The following STAT2 variants were observed in gnomAD, a reference collection of about 807,000 sequenced individuals.
The protein encoded by STAT2 is interferon alpha induced transcriptional activator.
STAT2 carries 51 observed loss-of-function variants against 122.3 expected under a neutral mutation model. The observed-to-expected ratio is 0.42, with a 90% CI of 0.33 to 0.53. STAT2 has a LOEUF of 0.53. STAT2 is among the 20% of genes least tolerant of loss of function. The probability of loss-of-function intolerance (pLI) is 0.10; values close to 1 mark genes in which losing one functional copy is unlikely to be tolerated. For synonymous variants in STAT2, 351 were observed against 394.9 expected (o/e 0.89, Z 1.32); for missense variants, 736 against 1,010.3 (o/e 0.73, Z 3.68).
At chr12:56,345,524 A>AAAAT (rs1555169410) in intron 22 of STAT2, among the ~76,000 whole-genome samples, 2 of 26,246 alleles carry the variant, frequency 7.6e-5, no homozygotes, top group Non-Finnish European at 1.1e-4. Flanking sequence ...AAAAAAAAAA[A>AAAAT]ATATATATAT....
intron 4 of STAT2, 85 bp downstream of exon 4, chr12:56,355,623 C>T (rs1034575237): frequency 6.3e-7 from 1 of 1,596,690 alleles, no homozygotes; most frequent in South Asian, 1.1e-5. Flanking sequence ...TCGGGGGGAT[C>T]CTGTTCTGAG....
chr12:56,346,985 C>T (rs770661820), intron 19 of STAT2, 30 bp from the exon 20 acceptor site: 23 of 1,608,452 alleles, frequency 1.4e-5, no homozygotes, highest in East Asian at 1.3e-4. Context: ...TGTGAGACAC[C>T]GCCCAACACC....
chr12:56,343,553 G>A (rs1265814546), intron 23 of STAT2, 22 bp from the exon 24 acceptor site: 4 of 1,609,224 alleles, frequency 2.5e-6, no homozygotes, highest in Non-Finnish European at 3.4e-6. Context: ...AGAGAGAAAA[G>A]TGAGGCCCCG....
chr12:56,353,681 G>C (rs540637037), intron 8 of STAT2, among the ~76,000 whole-genome samples: 1 of 151,916 alleles, frequency 6.6e-6, no homozygotes, highest in East Asian at 1.9e-4. Context: ...GTGGACATAA[G>C]AAATAACATG....
intron 1 of STAT2, 143 bp from the exon 2 acceptor site, chr12:56,356,721 G>T: frequency 8.1e-7 from 1 of 1,236,232 alleles, no homozygotes; most frequent in Non-Finnish European, 1.1e-6. Flanking sequence ...AATATATGTT[G>T]ATCCTACTGC....
At position 56,346,805 on chromosome 12, in the gene STAT2, G is replaced by A. The variant is rs1877538925; in HGVS notation, c.1861+14C>T. 3.1e-6 allele frequency: 5 copies of A among 1,614,146 alleles called. No homozygotes were observed. The highest frequency in any genetic ancestry group is 4.2e-6 in the Non-Finnish European group (5 of 1,179,998). On this transcript the variant is annotated intron_variant, in intron 20 of 23. Transcript: ENST00000314128. Reference sequence around the variant, plus strand: ...AAGGAGAGGCTGTGGGAATGGCAGGGCAGAGCAGCTGACCATCATCCTGGT... The same window carrying A: ...AAGGAGAGGCTGTGGGAATGGCAGGACAGAGCAGCTGACCATCATCCTGGT...
chr12:56,354,655 T>C (rs200634462), intron 7 of STAT2, 41 bp from the exon 8 acceptor site: 330 of 1,613,252 alleles, frequency 2.0e-4, no homozygotes, highest in Non-Finnish European at 2.6e-4. Context: ...TCTCTCCCTT[T>C]CACCCTCCAC....
chr12:56,349,003 A>G lies in STAT2; in HGVS notation c.1497T>C (p.Ala499=). The change falls in exon 17 of 24, where the codon GCT becomes GCC. Residue 499 remains alanine, a synonymous_variant. Coordinates refer to ENST00000314128, the MANE Select transcript of STAT2 (RefSeq NM_005419.4). ...CATAGGAGGAGAACTGCCAACTGAG[A>G]GCAGGGCCCAGCAAGCTCCAGGGGG... ...PKAPWSLLGP[A]LSWQFSSYVG... is the part of the protein sequence containing the mutation. 1 of 1,613,942 alleles carries G rather than the reference A, an allele frequency of 6.2e-7. No homozygotes were observed. Among genetic ancestry groups the G allele is most frequent in the Non-Finnish European group, 8.5e-7 (1 of 1,179,966 alleles).
rs2020854 is a variant in STAT2 at position 56,349,583 on chromosome 12, T to C, written c.1257+6A>G. 0.087 allele frequency: 140,397 copies of C among 1,613,970 alleles called. 14,529 individuals are homozygous for C. Among genetic ancestry groups the C allele is most frequent in the African/African-American group, 0.53 (39,857 of 74,912 alleles). On this transcript the variant is annotated splice_donor_region_variant and intron_variant, in intron 14 of 23. Transcript: ENST00000314128. ...CCCTGCCTCGAGTCCTCTGTCCAGA[T>C]CTCACCTTATTGCTGCCCTTTCCTG...
rs1221476042 is a variant in STAT2, at chr12:56,354,549, T to G, written c.699A>C (p.Pro233=). ...GCTGGGCCTTCCACTCCTCCAACTT[T>G]GGCAGCAGTAGCTCGATTAGGGTAG... ...RLTTLIELLL[P]KLEEWKAQQQ... The change falls in exon 8 of 24, where the codon CCA becomes CCC. Residue 233 remains proline (P), a synonymous_variant. Coordinates refer to ENST00000314128, the MANE Select transcript of STAT2 (RefSeq NM_005419.4). 2 of 1,614,176 alleles carry G rather than the reference T, an allele frequency of 1.2e-6. No homozygotes were observed. Among genetic ancestry groups the G allele is most frequent in the East Asian group, 2.2e-5 (1 of 44,878 alleles).
At chr12:56,352,184 C>G (rs1258354612) in intron 8 of STAT2, among the ~76,000 whole-genome samples, 1 of 152,060 alleles carries the variant, frequency 6.6e-6, no homozygotes, top group Non-Finnish European at 1.5e-5. Context: ...CAGGTGTGAG[C>G]CACTGCACCC....
At chr12:56,356,037 C>T (rs1295798189) in intron 3 of STAT2, 95 bp downstream of exon 3, 2 of 1,515,320 alleles carry the variant, frequency 1.3e-6, no homozygotes, top group African/African-American at 1.4e-5. Context: ...TTCCCGTCTC[C>T]CTTTCCACCT....
intron 8 of STAT2, among the ~76,000 whole-genome samples, chr12:56,354,016 A>AAAATAT (rs71081350): frequency 6.0e-5 from 1 of 16,678 alleles, no homozygotes; most frequent in African/African-American, 1.1e-4. Flanking sequence ...AAAAAAAAAA[A>AAAATAT]ATATATATAT....
rs760728164 is a variant in STAT2 at position 56,355,359 on chromosome 12, G to T, written c.472-8C>A. 6 of 1,614,068 alleles carry T rather than the reference G, an allele frequency of 3.7e-6. No homozygotes were observed. Among genetic ancestry groups the T allele is most frequent in the African/African-American group, 1.3e-5 (1 of 74,916 alleles). Reference sequence around the variant, plus strand: ...GATGGATTTTACCAGCTTCTGCAGAGGGGAGAGGACCCCGATGAGGCTGCT... The same window carrying T: ...GATGGATTTTACCAGCTTCTGCAGATGGGAGAGGACCCCGATGAGGCTGCT... On this transcript the variant is annotated splice_region_variant and splice_polypyrimidine_tract_variant and intron_variant, in intron 5 of 23. Transcript: ENST00000314128.
intron 6 of STAT2, 125 bp from the exon 7 acceptor site, chr12:56,354,988 A>T: frequency 9.9e-7 from 1 of 1,009,636 alleles, no homozygotes; most frequent in Non-Finnish European, 1.5e-6. Context: ...AAGCACAGGC[A>T]CCTGTGGGAC....
At chr12:56,356,337 C>G in intron 2 of STAT2, 52 bp from the exon 3 acceptor site, 1 of 1,605,848 alleles carries the variant, frequency 6.2e-7, no homozygotes. Context: ...TACTGTAGTC[C>G]TGAGGCTTTC....
At chr12:56,349,986 T>A in intron 13 of STAT2, 111 bp downstream of exon 13, 1 of 953,640 alleles carries the variant, frequency 1.0e-6, no homozygotes, top group Admixed American at 2.2e-5. Flanking sequence ...GAGGCGGAGG[T>A]TGCTGTGAGC....
In STAT2 at chr12:56,354,947, AT is replaced by A. The variant is rs1265917900; in HGVS notation, c.548-85del. The A allele has an allele frequency of 6.7e-5, 93 of 1,398,026 alleles. No individual in the cohort carries two copies. In the Admixed American group the frequency reaches 1.8e-3, roughly 27 times the overall value. The allele number at this position is 1,398,026 out of a possible 1,614,324, so 86.6% of individuals were successfully genotyped here. ...TCTCAGTCAGAGTCAGGAAGGAGGAATTTTGTGGAGGAAGAAAGGGAAACCA... is the reference window on the plus strand; with the variant it reads ...TCTCAGTCAGAGTCAGGAAGGAGGAATTTGTGGAGGAAGAAAGGGAAACCA... On this transcript the variant is annotated intron_variant, in intron 6 of 23. Coordinates refer to ENST00000314128, the MANE Select transcript of STAT2 (RefSeq NM_005419.4).
intron 6 of STAT2, 125 bp downstream of exon 6, chr12:56,355,151 G>T: frequency 8.7e-7 from 1 of 1,143,050 alleles, no homozygotes; most frequent in East Asian, 2.4e-5. Flanking sequence ...CACGGCAGCA[G>T]GACTGTAGTC....
Sources: allele counts gnomAD v4.1 joint callset (sites outside exome capture counted in the v4.1 genomes callset), GRCh38; gene constraint gnomAD v4.1.1; transcripts MANE v1.5; gene names NCBI Gene and HGNC (gene_info 2026-07-23, HGNC 2026-07-21).